The following ZNF420 variants were observed in gnomAD, a reference collection of about 807,000 sequenced individuals.
ZNF420 encodes the protein zinc finger protein 420, also known as ATM and p53-associated KZNF protein.
In ZNF420, 31 loss-of-function variants were observed where a neutral mutation model predicts 44.7. The observed-to-expected ratio is 0.69, with a 90% CI of 0.52 to 0.94. The LOEUF (loss-of-function observed/expected upper bound fraction) is 0.94. ZNF420 is among the 40% of genes least tolerant of loss of function. The probability of loss-of-function intolerance (pLI) is 0.00; values close to 1 mark genes in which losing one functional copy is unlikely to be tolerated. For synonymous variants in ZNF420, 245 were observed against 267.4 expected, an observed-to-expected ratio of 0.92 and a Z score of 0.82; for missense variants, 681 against 827.9, an observed-to-expected ratio of 0.82 and a Z score of 2.18.
At chr19:37,057,609 T>C (rs1331509595) in intron 1 of ZNF420, among the ~76,000 whole-genome samples, 1 of 152,164 alleles carries the variant, frequency 6.6e-6, no homozygotes, top group Non-Finnish European at 1.5e-5. Flanking sequence ...GGTGAGCCTT[T>C]TTTTTGGTCT....
At position 37,128,854 on chromosome 19, in the gene ZNF420, A is replaced by G; in HGVS notation, c.1863A>G (p.Arg621=). The G allele has an allele frequency of 6.2e-7, 1 of 1,613,916 alleles. No individual in the cohort carries two copies. Among genetic ancestry groups the G allele is most frequent in the Non-Finnish European group, 8.5e-7 (1 of 1,179,974 alleles). The change falls in exon 5 of 5, where the codon AGA becomes AGG. Residue 621 remains arginine, a synonymous_variant. Transcript: ENST00000337995. ...GEKPYECREC[R]KAFTQSSHLS... is the part of the protein sequence containing the mutation. ...AGCCCTATGAATGCAGAGAATGTAG[A>G]AAGGCCTTTACTCAGAGTTCACATC...
At chr19:37,056,188 G>A (rs1033214710) in intron 1 of ZNF420, among the ~76,000 whole-genome samples, 5 of 151,918 alleles carry the variant, frequency 3.3e-5, no homozygotes, top group Non-Finnish European at 4.4e-5. Flanking sequence ...CTACCTAGGC[G>A]TTGGAGGGGT....
intron 4 of ZNF420, among the ~76,000 whole-genome samples, chr19:37,110,022 C>T (rs182273745): frequency 1.4e-4 from 22 of 152,198 alleles, no homozygotes; most frequent in African/African-American, 5.1e-4. Context: ...TAGGGAATTC[C>T]TGTTGTATGT....
intron 4 of ZNF420, among the ~76,000 whole-genome samples, chr19:37,126,358 G>T (rs527749346): frequency 1.3e-5 from 2 of 152,278 alleles, no homozygotes; most frequent in African/African-American, 4.8e-5. Flanking sequence ...GACTTTTTCA[G>T]AGTTGAAAGG....
chr19:37,127,812 C>G lies in ZNF420; in HGVS notation c.821C>G (p.Thr274Ser). Residue 274 changes from threonine (T) to serine (S), a missense_variant, in exon 5 of 5, where the codon ACT (threonine) becomes AGT (serine). By Grantham distance (58) the Thr-to-Ser change is moderately conservative. This residue lies in a region of ZNF420 where 350 missense variants were observed against 382.5 expected (regional missense o/e 0.92). Coordinates refer to ENST00000337995, the MANE Select transcript of ZNF420 (RefSeq NM_144689.5). ...CTTACACTACACCAGAGACTTCATA[C>G]TGGTGAAAAGCTCTATGAATGTAAA... ...SQLTLHQRLH[T>S]GEKLYECKEC... 2 of 1,613,852 alleles carry G rather than the reference C, an allele frequency of 1.2e-6. No homozygotes were observed. The highest frequency in any genetic ancestry group is 1.7e-6 in the Non-Finnish European group (2 of 1,179,940).
chr19:37,025,300 G>A (rs2146389359), intron 1 of ZNF420: 2 of 232,560 alleles, frequency 8.6e-6, no homozygotes, highest in Non-Finnish European at 1.8e-5. Context: ...TGTAACATCT[G>A]AGGAGTAAGG....
chr19:37,047,430 C>T (rs948892953), intron 1 of ZNF420, among the ~76,000 whole-genome samples: 11 of 152,276 alleles, frequency 7.2e-5, no homozygotes, highest in African/African-American at 2.4e-4. Context: ...GAGACCAGGC[C>T]CTCACCAGAC....
At chr19:37,043,726 A>G (rs768427306) in intron 1 of ZNF420, among the ~76,000 whole-genome samples, 24 of 151,918 alleles carry the variant, frequency 1.6e-4, no homozygotes, top group Non-Finnish European at 2.6e-4. Context: ...GCTGGCCTCA[A>G]CCTCCTGAAG....
In ZNF420 at chr19:37,126,997, A is replaced by ATG. The variant is rs57451743; in HGVS notation, c.137-129_137-128dup. The ATG allele has an allele frequency of 9.2e-3, 5,529 of 601,232 alleles. 144 individuals carry two copies. Among genetic ancestry groups the ATG allele is most frequent in the Admixed American group, 0.053 (1,330 of 24,932 alleles). The allele number at this position is 601,232 out of a possible 1,614,324, so 37.2% of individuals were successfully genotyped here. A position where few individuals can be genotyped will look rare whatever the true frequency, so the allele number is the denominator to read the frequency against. The stretch of plus-strand genomic sequence containing the variant: ...TTGTGATGTGAAAGGTAGGTATTAT[A>ATG]TGTCATAATAATCAATATTTGAAAC... On this transcript the variant is annotated intron_variant, in intron 4 of 4. Transcript: ENST00000337995.
chr19:37,108,368 C>T (rs1247706533), intron 4 of ZNF420: 1 of 152,196 alleles, frequency 6.6e-6, no homozygotes, highest in Non-Finnish European at 1.5e-5. Context: ...CCCTTGCTCT[C>T]ACTAGCAGAA....
At chr19:37,054,321 C>T (rs1967702456) in intron 1 of ZNF420, among the ~76,000 whole-genome samples, 1 of 152,224 alleles carries the variant, frequency 6.6e-6, no homozygotes, top group East Asian at 1.9e-4. Context: ...GAGGTGATGC[C>T]TTGCCCTGCT....
intron 1 of ZNF420, among the ~76,000 whole-genome samples, chr19:37,079,331 C>A (rs1429299521): frequency 6.6e-6 from 1 of 152,136 alleles, no homozygotes. Flanking sequence ...TAGTCCAGTA[C>A]AGAAGTAAAT....
intron 2 of ZNF420, among the ~76,000 whole-genome samples, chr19:37,082,945 G>A (rs1300032526): frequency 6.6e-6 from 1 of 152,146 alleles, no homozygotes; most frequent in Admixed American, 6.5e-5. Flanking sequence ...GAAGTCTAGT[G>A]TCCATTTCTG....
chr19:37,054,034 T>A (rs1967694121), intron 1 of ZNF420, among the ~76,000 whole-genome samples: 1 of 152,204 alleles, frequency 6.6e-6, no homozygotes, highest in South Asian at 2.1e-4. Flanking sequence ...GCCGCTTTGT[T>A]CACCTACTGA....
chr19:37,032,040 A>G (rs12981617), intron 1 of ZNF420, among the ~76,000 whole-genome samples: 77,350 of 151,896 alleles, frequency 0.51, 20,226 homozygotes, highest in African/African-American at 0.58. Flanking sequence ...GTGAAACCCC[A>G]TCTCTACTAA....
intron 1 of ZNF420, among the ~76,000 whole-genome samples, chr19:37,039,873 G>T (rs1291592416): frequency 4.0e-5 from 6 of 151,358 alleles, no homozygotes; most frequent in Non-Finnish European, 8.9e-5. Context: ...GCTACTTTTT[G>T]ATTTGTTTTT....
chr19:37,085,280 A>G (rs1040250173), intron 2 of ZNF420, among the ~76,000 whole-genome samples: 4 of 152,214 alleles, frequency 2.6e-5, no homozygotes, highest in African/African-American at 7.2e-5. Context: ...TAATATGTGG[A>G]CACTGACCAC....
intron 1 of ZNF420, among the ~76,000 whole-genome samples, chr19:37,057,146 C>T (rs914617371): frequency 6.6e-5 from 10 of 152,216 alleles, no homozygotes; most frequent in Non-Finnish European, 1.5e-4. Flanking sequence ...GACCTCTCCA[C>T]GGGGGCGACA....
At chr19:37,018,758 C>T (rs1280711131) in intron 1 of ZNF420, among the ~76,000 whole-genome samples, 4 of 151,922 alleles carry the variant, frequency 2.6e-5, no homozygotes, top group Non-Finnish European at 5.9e-5. Context: ...TTAGTAGAGG[C>T]GGGGTTTCAC....
Sources: gnomAD v4.1 joint callset for allele counts (sites outside exome capture counted in the v4.1 genomes callset) on GRCh38, gnomAD v4.1.1 for gene constraint, gnomAD v4.1.1 regional missense constraint, MANE v1.5 for transcripts, NCBI Gene and HGNC (gene_info 2026-07-23, HGNC 2026-07-21) for gene names.